Variants in LRRC53 observed in about 807,000 individuals in gnomAD.
LRRC53 encodes the protein leucine rich repeat containing 53.
In LRRC53, 25 loss-of-function variants were observed where a neutral mutation model predicts 13.6. The ratio of observed to expected loss-of-function variants is 1.83; its 90% CI spans 1.34 to 2.56. The LOEUF (loss-of-function observed/expected upper bound fraction) is 2.56. Among genes scored for constraint, LRRC53 ranks in the 30% most tolerant of loss-of-function variants. The pLI, the probability that LRRC53 is intolerant of heterozygous loss-of-function variation, is 0.00. For missense variants in LRRC53, 527 were observed against 275.8 expected (o/e 1.91, Z -6.45); for synonymous variants, 204 against 109.8 (o/e 1.86, Z -5.37).
the LRRC53 span, among the ~76,000 whole-genome samples, chr1:74,521,066 T>A: frequency 2.5e-4 from 38 of 152,142 alleles, no homozygotes; most frequent in Non-Finnish European, 2.6e-4. Flanking sequence ...TTACAGCTAT[T>A]TCTCCTTTGG....
rs1325518791 is a variant in LRRC53, at chr1:74,480,918, A to C, written c.139T>G (p.Ser47Ala). ...VLIITDGYLS[S>A]IESTNLSLLF... ...AGAGACAGGTTTGTGCTCTCAATAG[A>C]GGAGAGATATCCATCGGTGATGATT... Residue 47 changes from serine to alanine, a missense_variant, in exon 3 of 5, where the codon TCT becomes GCT. Transcript: ENST00000294635. 1.4e-6 allele frequency: 1 copy of C among 717,226 alleles called. No homozygotes were observed. The highest frequency in any genetic ancestry group is 1.7e-5 in the African/African-American group (1 of 57,212). The allele number at this position is 717,226 out of a possible 1,614,324, so 44.4% of individuals were successfully genotyped here.
At chr1:74,517,139 C>T (rs1302639639), upstream of LRRC53, among the ~76,000 whole-genome samples, 1 of 152,110 alleles carries the variant, frequency 6.6e-6, no homozygotes, top group African/African-American at 2.4e-5. Flanking sequence ...ACAAATCATT[C>T]TCAACACCTG....
chr1:74,472,578 A>C (rs1300588379), intron 4 of LRRC53, among the ~76,000 whole-genome samples: 1 of 152,082 alleles, frequency 6.6e-6, no homozygotes, highest in African/African-American at 2.4e-5. Flanking sequence ...TTGCAACTTA[A>C]ATATTGGGCA....
intron 1 of LRRC53, among the ~76,000 whole-genome samples, chr1:74,490,555 C>G (rs1669016047): frequency 6.6e-6 from 1 of 152,174 alleles, no homozygotes; most frequent in Non-Finnish European, 1.5e-5. Flanking sequence ...TATTTATACT[C>G]TCTCCCCAAG....
At position 74,469,925 on chromosome 1, in the gene LRRC53, G is replaced by A; in HGVS notation, c.3697C>T (p.Pro1233Ser). ...GTAGTAGCATATTCAGCAGATGGTG[G>A]ATACAGTACAGGTTTTGGAGCAGAG... ...ENSAPKPVLY[P>S]PSAEYATTSP... Residue 1233 changes from proline to serine, a missense_variant, in exon 5 of 5, where the codon CCA (proline) becomes TCA (serine). Physicochemically the swap from Pro to Ser is moderately conservative, Grantham distance 74. Coordinates refer to ENST00000294635, the MANE Select transcript of LRRC53 (RefSeq NM_001382280.1). 2.5e-6 allele frequency: 1 copy of A among 400,610 alleles called. No individual in the cohort carries two copies. 24.8% of individuals were successfully genotyped at this position (400,610 alleles called of 1,614,324 possible). A position where few individuals can be genotyped will look rare whatever the true frequency, so the allele number is the denominator to read the frequency against.
intron 1 of LRRC53, chr1:74,492,386 G>A (rs1570695750): frequency 2.4e-6 from 3 of 1,252,728 alleles, no homozygotes; most frequent in East Asian, 2.8e-5. Flanking sequence ...CTTTGAAAGA[G>A]GAGTTTTCAG....
At chr1:74,487,068 G>A (rs150844882) in intron 1 of LRRC53, among the ~76,000 whole-genome samples, 50 of 152,288 alleles carry the variant, frequency 3.3e-4, no homozygotes, top group African/African-American at 1.1e-3. Flanking sequence ...CAATTTTGCT[G>A]TAAAGTAAAC....
intron 1 of LRRC53, among the ~76,000 whole-genome samples, chr1:74,509,137 C>T (rs1179027226): frequency 6.6e-6 from 1 of 152,026 alleles, no homozygotes; most frequent in African/African-American, 2.4e-5. Flanking sequence ...CTCCTTTTTC[C>T]TCATTAAATA....
chr1:74,501,425 A>T (rs1669618617), intron 1 of LRRC53, among the ~76,000 whole-genome samples: 1 of 152,176 alleles, frequency 6.6e-6, no homozygotes, highest in South Asian at 2.1e-4. Context: ...GGAGACATTA[A>T]TACCTCAAGA....
the LRRC53 span, among the ~76,000 whole-genome samples, chr1:74,522,379 G>A: frequency 2.0e-5 from 3 of 152,122 alleles, no homozygotes; most frequent in Non-Finnish European, 4.4e-5. Flanking sequence ...CAGCAGCTCA[G>A]ATTACCCGTT....
chr1:74,473,776 T>C (rs1668054758), intron 4 of LRRC53, among the ~76,000 whole-genome samples: 2 of 152,118 alleles, frequency 1.3e-5, no homozygotes, highest in Non-Finnish European at 1.5e-5. Context: ...GGGAGCTTTA[T>C]GTAAGTAAAC....
At chr1:74,472,663 G>A (rs780895725) in intron 4 of LRRC53, among the ~76,000 whole-genome samples, 10 of 151,892 alleles carry the variant, frequency 6.6e-5, no homozygotes, top group Non-Finnish European at 1.5e-4. Context: ...ACAATGAAAG[G>A]GAAATACTTG....
At chr1:74,517,972 C>T in the LRRC53 span, among the ~76,000 whole-genome samples, 3 of 152,142 alleles carry the variant, frequency 2.0e-5, no homozygotes, top group African/African-American at 2.4e-5. Context: ...CTTAAAGTAA[C>T]AATCTTTGAC....
chr1:74,478,660 C>T (rs946626680), intron 3 of LRRC53, among the ~76,000 whole-genome samples: 10 of 152,162 alleles, frequency 6.6e-5, no homozygotes, highest in African/African-American at 1.7e-4. Context: ...TGAAAGGTTA[C>T]GAGAAGTGCT....
chr1:74,533,153 C>T, the LRRC53 span, among the ~76,000 whole-genome samples: 2,788 of 152,124 alleles, frequency 0.018, 96 homozygotes, highest in African/African-American at 0.061. Context: ...AGAAAATTTT[C>T]GCAACCTACT....
chr1:74,520,984 T>C, the LRRC53 span, among the ~76,000 whole-genome samples: 6,241 of 152,204 alleles, frequency 0.041, 408 homozygotes, highest in African/African-American at 0.14. Context: ...CCTGTGGCAG[T>C]GTAGGGGTCC....
rs1669957686 is a variant in LRRC53, at chr1:74,507,300, T to G, written c.-27+5226A>C. Among the ~76,000 whole-genome samples the G allele has an allele frequency of 2.7e-5, 4 of 146,814 alleles. No individual in the cohort carries two copies. The Admixed American group carries it at 2.8e-4, about 10-fold the overall frequency. On this transcript the variant is annotated intron_variant, in intron 1 of 4. Transcript: ENST00000294635. Reference sequence around the variant, plus strand: ...CAAGTTCAATCCCAATGTCTCCTCCTGTAGGAAGTTGTCCTAAATACCCTC... The same window carrying G: ...CAAGTTCAATCCCAATGTCTCCTCCGGTAGGAAGTTGTCCTAAATACCCTC...
intron 3 of LRRC53, among the ~76,000 whole-genome samples, chr1:74,477,208 T>C (rs559176774): frequency 6.6e-6 from 1 of 152,264 alleles, no homozygotes; most frequent in African/African-American, 2.4e-5. Context: ...CTTTAACTCA[T>C]ATGGGTAAGA....
At chr1:74,482,392 C>A (rs1668548825) in intron 2 of LRRC53, among the ~76,000 whole-genome samples, 1 of 152,142 alleles carries the variant, frequency 6.6e-6, no homozygotes, top group African/African-American at 2.4e-5. Context: ...TGTCTCTGAT[C>A]AGGAAAAATA....
Sources: allele counts gnomAD v4.1 joint callset (sites outside exome capture counted in the v4.1 genomes callset), GRCh38; gene constraint gnomAD v4.1.1; transcripts MANE v1.5; gene names NCBI Gene and HGNC (gene_info 2026-07-23, HGNC 2026-07-21).